Variants in SAMMSON observed in about 807,000 individuals in gnomAD.
The protein encoded by SAMMSON is survival associated mitochondrial melanoma specific oncogenic non-coding RNA.
At chr3:70,031,129 T>A (rs2067064306) in intron 3 of SAMMSON, among the ~76,000 whole-genome samples, 1 of 152,132 alleles carries the variant, frequency 6.6e-6, no homozygotes, top group Non-Finnish European at 1.5e-5. Context: ...AGCCAAAAGG[T>A]GGAAACAACC....
intron 4 of SAMMSON, among the ~76,000 whole-genome samples, chr3:70,194,629 T>C (rs571757298): frequency 2.6e-5 from 4 of 152,322 alleles, no homozygotes; most frequent in East Asian, 3.9e-4. Flanking sequence ...CAGAAAGATC[T>C]TGTAGTGTTC....
At chr3:70,422,471 T>C (rs1384646696) in intron 2 of SAMMSON, among the ~76,000 whole-genome samples, 1 of 152,098 alleles carries the variant, frequency 6.6e-6, no homozygotes, top group African/African-American at 2.4e-5. Context: ...TGAACTAGAA[T>C]ACTACTATAG....
At chr3:70,140,921 G>A (rs1033680829) in intron 4 of SAMMSON, among the ~76,000 whole-genome samples, 6 of 152,144 alleles carry the variant, frequency 3.9e-5, no homozygotes, top group Non-Finnish European at 7.3e-5. Context: ...AATTCTGTAA[G>A]AAGATTGAGG....
At position 70,325,710 on chromosome 3, in the gene SAMMSON, A is replaced by C. The variant is rs141287604; in HGVS notation, n.740-28465A>C. Among the ~76,000 whole-genome samples the C allele has an allele frequency of 8.0e-3, 1,217 of 152,280 alleles. 11 individuals are homozygous for C. The highest frequency in any genetic ancestry group is 0.011 in the Non-Finnish European group (767 of 68,000). ...GTGGCTAATACTGCACCTGCATAAC[A>C]TCAACCTTTGCCCTTTATAAACAGA... is the stretch of plus-strand genomic sequence containing the variant. On this transcript the variant is annotated intron_variant and non_coding_transcript_variant, in intron 7 of 9. Transcript: ENST00000642114.
chr3:70,250,409 TCTCA>T (rs199541070), intron 6 of SAMMSON, among the ~76,000 whole-genome samples: 19,963 of 126,180 alleles, frequency 0.16, 1,424 homozygotes, highest in South Asian at 0.25. Context: ...TTTTAATGAA[TCTCA>T]CACACACACA....
chr3:70,217,910 C>A (rs1033609894), intron 4 of SAMMSON, among the ~76,000 whole-genome samples: 2 of 152,050 alleles, frequency 1.3e-5, no homozygotes, highest in African/African-American at 4.8e-5. Flanking sequence ...TTGTGATGTG[C>A]CTGTATAAAT....
chr3:70,341,140 G>A (rs1702707972), intron 7 of SAMMSON, among the ~76,000 whole-genome samples: 1 of 151,992 alleles, frequency 6.6e-6, no homozygotes, highest in Non-Finnish European at 1.5e-5. Flanking sequence ...TCTTTCTGGT[G>A]CTTTGGGATA....
chr3:70,358,878 A>C (rs1165627455), intron 9 of SAMMSON, among the ~76,000 whole-genome samples: 2 of 152,160 alleles, frequency 1.3e-5, no homozygotes, highest in Non-Finnish European at 2.9e-5. Context: ...TGAAAATGTC[A>C]GTTGTCGTAA....
intron 6 of SAMMSON, among the ~76,000 whole-genome samples, chr3:70,256,400 A>G (rs1389835216): frequency 2.6e-5 from 4 of 152,232 alleles, no homozygotes; most frequent in Non-Finnish European, 4.4e-5. Flanking sequence ...TTAAAATGCC[A>G]TGCTGACTGT....
At chr3:70,016,532 A>T (rs2066986594) in intron 3 of SAMMSON, among the ~76,000 whole-genome samples, 1 of 151,988 alleles carries the variant, frequency 6.6e-6, no homozygotes, top group African/African-American at 2.4e-5. Context: ...CCCATTCTGT[A>T]GGTTGCCTGT....
intron 4 of SAMMSON, among the ~76,000 whole-genome samples, chr3:70,211,020 A>G (rs1701339686): frequency 6.6e-6 from 1 of 152,040 alleles, no homozygotes; most frequent in Admixed American, 6.6e-5. Flanking sequence ...CGTTTTAATG[A>G]TTTTCATTTT....
chr3:70,420,090 G>A (rs935531251), intron 2 of SAMMSON, among the ~76,000 whole-genome samples: 1 of 152,210 alleles, frequency 6.6e-6, no homozygotes, highest in African/African-American at 2.4e-5. Context: ...CTGGTGAAAG[G>A]TCCCTGAATT....
intron 4 of SAMMSON, among the ~76,000 whole-genome samples, chr3:70,247,875 TAA>T (rs1339379555): frequency 2.6e-5 from 4 of 152,044 alleles, no homozygotes; most frequent in Admixed American, 1.3e-4. Context: ...AATAATATCA[TAA>T]GTTATTTTTT....
At chr3:70,187,387 GC>G (rs1362044163) in intron 4 of SAMMSON, among the ~76,000 whole-genome samples, 2 of 148,584 alleles carry the variant, frequency 1.3e-5, no homozygotes, top group Non-Finnish European at 3.0e-5. Flanking sequence ...ATTTTTGGTG[GC>G]CTTATGAGAC....
intron 3 of SAMMSON, chr3:70,015,208 G>A (rs2066977849): frequency 6.6e-6 from 1 of 152,270 alleles, no homozygotes; most frequent in South Asian, 2.1e-4. Context: ...GTGAACCCTG[G>A]AAGCGGAGCT....
intron 3 of SAMMSON, among the ~76,000 whole-genome samples, chr3:70,034,362 C>G (rs533429406): frequency 1.9e-4 from 29 of 152,132 alleles, no homozygotes; most frequent in African/African-American, 6.5e-4. Flanking sequence ...ATATATTCAC[C>G]GAAGAATGGG....
At chr3:70,217,504 G>T (rs1701426669) in intron 4 of SAMMSON, among the ~76,000 whole-genome samples, 1 of 152,092 alleles carries the variant, frequency 6.6e-6, no homozygotes, top group Admixed American at 6.6e-5. Flanking sequence ...TCTATGCTCT[G>T]AGCTTTCTAG....
chr3:70,279,198 A>G (rs1702056848), intron 6 of SAMMSON, among the ~76,000 whole-genome samples: 1 of 151,738 alleles, frequency 6.6e-6, no homozygotes, highest in South Asian at 2.1e-4. Flanking sequence ...GCACTGTGAT[A>G]AATGCTTTGC....
chr3:70,099,930 G>A (rs1307025882), intron 4 of SAMMSON, among the ~76,000 whole-genome samples: 1 of 152,150 alleles, frequency 6.6e-6, no homozygotes, highest in Non-Finnish European at 1.5e-5. Flanking sequence ...CCTCTCAGAA[G>A]TAACTGTCCT....
Sources: allele counts gnomAD v4.1 joint callset (sites outside exome capture counted in the v4.1 genomes callset), GRCh38; gene constraint gnomAD v4.1.1; transcripts MANE v1.5; gene names NCBI Gene and HGNC (gene_info 2026-07-23, HGNC 2026-07-21).